The following PDE4D variants were observed in gnomAD, a reference collection of about 807,000 sequenced individuals.
PDE4D encodes 3',5'-cyclic-AMP phosphodiesterase 4D.
Under a neutral mutation model 87.4 loss-of-function variants are expected in PDE4D, and 24 were observed. The observed-to-expected ratio is 0.27, with a 90% CI of 0.20 to 0.39. The LOEUF is 0.39. Among genes scored for constraint, PDE4D ranks in the 10% least tolerant of loss-of-function variants. PDE4D has a pLI of 1.00. For missense variants in PDE4D, 714 were observed against 1,041.0 expected, an observed-to-expected ratio of 0.69 and a Z score of 4.32; for synonymous variants, 384 against 383.2, an observed-to-expected ratio of 1.00 and a Z score of -0.02.
At chr5:60,311,041 G>A (rs1754987182) in intron 1 of PDE4D, among the ~76,000 whole-genome samples, 1 of 149,266 alleles carries the variant, frequency 6.7e-6, no homozygotes, top group African/African-American at 2.5e-5. Flanking sequence ...TTTTGAGGTG[G>A]AGTTTTGCTC....
At chr5:59,075,412 C>T (rs17777617) in intron 5 of PDE4D, among the ~76,000 whole-genome samples, 35,625 of 151,648 alleles carry the variant, frequency 0.23, 5,163 homozygotes, top group Middle Eastern at 0.34. Flanking sequence ...TTGGAGATTC[C>T]GCAAAATTAG....
In PDE4D at chr5:59,128,112, T is replaced by TA. The variant is rs1285995455; in HGVS notation, c.808+52482dup. On this transcript the variant is annotated intron_variant, in intron 5 of 14. Coordinates refer to ENST00000340635, the MANE Select transcript of PDE4D (RefSeq NM_001104631.2). ...CTTCTGATTATTCTTCAGGTTTTACTAAAAGGCTTCAGTCTTTGATATAAG... is the reference window on the plus strand; with the variant it reads ...CTTCTGATTATTCTTCAGGTTTTACTAAAAAGGCTTCAGTCTTTGATATAAG... 5.0e-4 allele frequency among the ~76,000 whole-genome samples: 76 copies of TA among 151,752 alleles called. 1 individual carries two copies. Among genetic ancestry groups the TA allele is most frequent in the African/African-American group, 1.8e-3 (73 of 41,408 alleles).
At chr5:59,360,261 G>A (rs1782003257) in intron 1 of PDE4D, among the ~76,000 whole-genome samples, 1 of 152,172 alleles carries the variant, frequency 6.6e-6, no homozygotes, top group South Asian at 2.1e-4. Flanking sequence ...GAAGAGACGA[G>A]GGTTGAGCTG....
At chr5:59,968,279 C>T (rs188322445) in intron 3 of PDE4D, among the ~76,000 whole-genome samples, 59 of 151,922 alleles carry the variant, frequency 3.9e-4, no homozygotes, top group Middle Eastern at 6.8e-3. Flanking sequence ...CCACTGCGCC[C>T]GGCCCACTGG....
chr5:60,166,122 T>A (rs993887399), intron 2 of PDE4D, among the ~76,000 whole-genome samples: 2 of 152,168 alleles, frequency 1.3e-5, no homozygotes, highest in African/African-American at 4.8e-5. Context: ...TGAGACTGAG[T>A]CTTGCTCTGT....
intron 5 of PDE4D, among the ~76,000 whole-genome samples, chr5:59,108,306 G>T (rs908610367): frequency 5.9e-5 from 9 of 151,996 alleles, no homozygotes; most frequent in South Asian, 2.1e-4. Flanking sequence ...TTTTGTTTAG[G>T]ATACAAAACT....
At chr5:59,356,923 C>T (rs1399742279) in intron 1 of PDE4D, 24 of 1,444,474 alleles carry the variant, frequency 1.7e-5, no homozygotes, top group East Asian at 1.0e-4. Context: ...CCTGAGGCCC[C>T]GCACGGAGCA....
intron 1 of PDE4D, among the ~76,000 whole-genome samples, chr5:59,411,565 C>T (rs566409319): frequency 6.6e-6 from 1 of 152,320 alleles, no homozygotes; most frequent in African/African-American, 2.4e-5. Context: ...TTTCAGATGG[C>T]TGCCTTCTTA....
rs1581211796 is a variant in PDE4D at position 59,177,477 on chromosome 5, T to C, written c.808+3118A>G. Among the ~76,000 whole-genome samples, 4 of 152,190 alleles carry C rather than the reference T, an allele frequency of 2.6e-5. No homozygotes were observed. In the East Asian group the frequency reaches 7.7e-4, roughly 29 times the overall value. ...GTGCTGGTTCTGTGAGGCACTATGCTAAGGGCATCATGCGTGTTCACTCAT... is the reference window on the plus strand; with the variant it reads ...GTGCTGGTTCTGTGAGGCACTATGCCAAGGGCATCATGCGTGTTCACTCAT... On this transcript the variant is annotated intron_variant, in intron 5 of 14. Transcript: ENST00000340635.
At chr5:59,638,732 T>G (rs980935377) in intron 1 of PDE4D, among the ~76,000 whole-genome samples, 1 of 151,998 alleles carries the variant, frequency 6.6e-6, no homozygotes, top group Non-Finnish European at 1.5e-5. Flanking sequence ...CATTTGTAAA[T>G]AGAGGGAATA....
intron 2 of PDE4D, among the ~76,000 whole-genome samples, chr5:60,076,931 T>C (rs888659989): frequency 2.0e-5 from 3 of 152,138 alleles, no homozygotes; most frequent in Non-Finnish European, 4.4e-5. Context: ...CATGGCGACA[T>C]GGCTTGGGGG....
chr5:60,220,406 A>T (rs886800954), intron 1 of PDE4D, among the ~76,000 whole-genome samples: 2 of 152,106 alleles, frequency 1.3e-5, no homozygotes, highest in South Asian at 4.1e-4. Flanking sequence ...ACCTCACTCT[A>T]TACCACTGGT....
At chr5:60,284,784 A>C (rs554710311) in intron 1 of PDE4D, among the ~76,000 whole-genome samples, 1 of 152,124 alleles carries the variant, frequency 6.6e-6, no homozygotes, top group East Asian at 1.9e-4. Context: ...CAGGATAGGT[A>C]GTTGGCCAGT....
chr5:59,156,824 T>C (rs2153462867), intron 5 of PDE4D, among the ~76,000 whole-genome samples: 1 of 152,260 alleles, frequency 6.6e-6, no homozygotes, highest in Admixed American at 6.5e-5. Context: ...TAAAAGAGAA[T>C]ATATACACAG....
At chr5:60,197,089 A>ACAGACAGT (rs1345539534) in intron 1 of PDE4D, among the ~76,000 whole-genome samples, 5 of 125,716 alleles carry the variant, frequency 4.0e-5, no homozygotes, top group East Asian at 2.5e-4. Context: ...AGATAGATAG[A>ACAGACAGT]TAGATAGATA....
At chr5:59,519,723 A>C (rs1437855857) in intron 1 of PDE4D, among the ~76,000 whole-genome samples, 1 of 152,228 alleles carries the variant, frequency 6.6e-6, no homozygotes, top group Non-Finnish European at 1.5e-5. Flanking sequence ...TGAACTAATT[A>C]CTGTTTTTGT....
chr5:60,075,358 G>C (rs1773172489), intron 2 of PDE4D, among the ~76,000 whole-genome samples: 1 of 152,192 alleles, frequency 6.6e-6, no homozygotes, highest in African/African-American at 2.4e-5. Context: ...CTGGCTGGTA[G>C]AGTTTCCGCT....
At chr5:59,262,516 C>T (rs1362508534) in intron 1 of PDE4D, among the ~76,000 whole-genome samples, 1 of 151,690 alleles carries the variant, frequency 6.6e-6, no homozygotes, top group African/African-American at 2.4e-5. Context: ...AAGCTGGCTT[C>T]ACAATCGGAA....
At chr5:59,060,007 C>T (rs1762898398) in intron 5 of PDE4D, among the ~76,000 whole-genome samples, 1 of 152,066 alleles carries the variant, frequency 6.6e-6, no homozygotes, top group Admixed American at 6.6e-5. Context: ...TGCCATATAA[C>T]TAAGTTTTGG....
Sources: gnomAD v4.1 joint callset for allele counts (sites outside exome capture counted in the v4.1 genomes callset) on GRCh38, gnomAD v4.1.1 for gene constraint, MANE v1.5 for transcripts, NCBI Gene and HGNC (gene_info 2026-07-23, HGNC 2026-07-21) for gene names.